Variants in STK33 observed in about 807,000 individuals in gnomAD.
STK33 encodes serine/threonine-protein kinase 33.
Under a neutral mutation model 58.0 loss-of-function variants are expected in STK33, and 52 were observed. The observed-to-expected ratio is 0.90, with a 90% CI of 0.72 to 1.13. The LOEUF is 1.13. Ranked by LOEUF, STK33 falls within the 50% of genes most tolerant of loss-of-function variation. STK33 has a pLI of 0.00. For synonymous variants in STK33, 215 were observed against 200.1 expected, an observed-to-expected ratio of 1.07 and a Z score of -0.63; for missense variants, 630 against 604.2, an observed-to-expected ratio of 1.04 and a Z score of -0.45.
intron 1 of STK33, among the ~76,000 whole-genome samples, chr11:8,482,887 G>A (rs1016934999): frequency 1.3e-5 from 2 of 151,522 alleles, no homozygotes; most frequent in Non-Finnish European, 2.9e-5. Flanking sequence ...CCACCACCAC[G>A]CCCAGCTAAT....
At chr11:8,350,645 A>G in the STK33 span, among the ~76,000 whole-genome samples, 35 of 152,148 alleles carry the variant, frequency 2.3e-4, 1 homozygote, top group South Asian at 8.3e-4. Context: ...ATAGGCAGGA[A>G]AGTGGGGGTC....
At chr11:8,354,474 TCACACACA>T in the STK33 span, among the ~76,000 whole-genome samples, 146 of 124,748 alleles carry the variant, frequency 1.2e-3, no homozygotes, top group Middle Eastern at 4.2e-3. Flanking sequence ...CTGCAAAACC[TCACACACA>T]CACACACACA....
intron 14 of STK33, among the ~76,000 whole-genome samples, chr11:8,427,436 T>C (rs1590967934): frequency 6.6e-6 from 1 of 152,138 alleles, no homozygotes; most frequent in Non-Finnish European, 1.5e-5. Flanking sequence ...CGTCTATTTG[T>C]CAGTTTTTTT....
chr11:8,344,326 G>T, the STK33 span, among the ~76,000 whole-genome samples: 4 of 152,130 alleles, frequency 2.6e-5, no homozygotes, highest in Non-Finnish European at 4.4e-5. Context: ...AGGCTGCAGT[G>T]AGCTATGATT....
At chr11:8,498,271 C>G (rs1219362184) in intron 1 of STK33, among the ~76,000 whole-genome samples, 1 of 152,038 alleles carries the variant, frequency 6.6e-6, no homozygotes, top group African/African-American at 2.4e-5. Context: ...CTATTAAAAA[C>G]CCAAGCATTC....
At chr11:8,355,426 G>A in the STK33 span, among the ~76,000 whole-genome samples, 13 of 152,354 alleles carry the variant, frequency 8.5e-5, no homozygotes, top group African/African-American at 3.1e-4. Flanking sequence ...ACGGCTCTAG[G>A]TCGAAGTGAG....
chr11:8,448,975 A>T (rs373018460), intron 11 of STK33, among the ~76,000 whole-genome samples: 3 of 151,612 alleles, frequency 2.0e-5, no homozygotes, highest in Admixed American at 6.6e-5. Context: ...GGGCAAAGGA[A>T]ATGAACAGAC....
At chr11:8,519,898 G>A (rs566468559) in intron 1 of STK33, among the ~76,000 whole-genome samples, 7 of 152,224 alleles carry the variant, frequency 4.6e-5, no homozygotes, top group Middle Eastern at 3.4e-3. Flanking sequence ...ATTCACAGCC[G>A]AATTCTACCA....
At chr11:8,385,921 C>T in the STK33 span, among the ~76,000 whole-genome samples, 1 of 152,106 alleles carries the variant, frequency 6.6e-6, no homozygotes, top group East Asian at 1.9e-4. Context: ...ACTACAGGCA[C>T]CCGCCACCAC....
At chr11:8,495,451 G>T (rs1950984488) in intron 1 of STK33, among the ~76,000 whole-genome samples, 1 of 152,192 alleles carries the variant, frequency 6.6e-6, no homozygotes, top group African/African-American at 2.4e-5. Context: ...GGAAACAACA[G>T]ATACTGGAGA....
At chr11:8,579,533 C>T (rs1958418431) in intron 1 of STK33, among the ~76,000 whole-genome samples, 1 of 151,422 alleles carries the variant, frequency 6.6e-6, no homozygotes, top group African/African-American at 2.4e-5. Context: ...TTAAGAGCAA[C>T]CTGTTAAATA....
chr11:8,549,905 TA>T (rs1164746138), intron 1 of STK33, among the ~76,000 whole-genome samples: 1 of 151,992 alleles, frequency 6.6e-6, no homozygotes, highest in Admixed American at 6.6e-5. Context: ...TTTTCATATT[TA>T]AAAAAAACCA....
intron 14 of STK33, among the ~76,000 whole-genome samples, chr11:8,423,561 C>T (rs2135949591): frequency 6.6e-6 from 1 of 152,042 alleles, no homozygotes; most frequent in East Asian, 1.9e-4. Flanking sequence ...TGTTTACTGG[C>T]TTTTAACTGC....
chr11:8,475,700 T>C lies in STK33; in HGVS notation c.-161-634A>G, dbSNP rs558545199. The stretch of plus-strand genomic sequence containing the variant: ...TAGGTATGGCAGCATTTTACTTAAC[T>C]AGGACCATTGGCAGCTGCATGGTGG... On this transcript the variant is annotated intron_variant, in intron 4 of 15. Transcript: ENST00000687296. 2.6e-5 allele frequency: 4 copies of C among 152,292 alleles called. No homozygotes were observed. In the South Asian group the frequency reaches 6.2e-4, roughly 24 times the overall value. 9.4% of individuals were successfully genotyped at this position (152,292 alleles called of 1,614,324 possible). A position where few individuals can be genotyped will look rare whatever the true frequency, so the allele number is the denominator to read the frequency against.
intron 1 of STK33, among the ~76,000 whole-genome samples, chr11:8,509,243 T>C (rs1036560138): frequency 6.6e-4 from 100 of 152,298 alleles, no homozygotes; most frequent in African/African-American, 2.3e-3. Flanking sequence ...ATCCTATCTT[T>C]TTGGGGTAAA....
chr11:8,498,586 T>C (rs990946786), intron 1 of STK33, among the ~76,000 whole-genome samples: 2 of 151,608 alleles, frequency 1.3e-5, no homozygotes, highest in Non-Finnish European at 2.9e-5. Context: ...GGAAAAAAAA[T>C]AAATTTCATA....
At chr11:8,408,921 C>A (rs1939732237) in intron 15 of STK33, among the ~76,000 whole-genome samples, 1 of 152,198 alleles carries the variant, frequency 6.6e-6, no homozygotes. Context: ...ACCATGGAAG[C>A]CCATTGGAGA....
chr11:8,486,973 C>T (rs982595849), intron 1 of STK33, among the ~76,000 whole-genome samples: 1 of 152,046 alleles, frequency 6.6e-6, no homozygotes, highest in African/African-American at 2.4e-5. Flanking sequence ...ACAGTAAAGA[C>T]AGGAGGAAGA....
At chr11:8,339,389 C>A in the STK33 span, among the ~76,000 whole-genome samples, 3 of 152,250 alleles carry the variant, frequency 2.0e-5, no homozygotes, top group African/African-American at 7.2e-5. Flanking sequence ...CGTTTACTGA[C>A]CCAAGAGGCA....
Sources: allele counts gnomAD v4.1 joint callset (sites outside exome capture counted in the v4.1 genomes callset), GRCh38; gene constraint gnomAD v4.1.1; transcripts MANE v1.5; gene names NCBI Gene and HGNC (gene_info 2026-07-23, HGNC 2026-07-21).